SEM1: variants seen among roughly 807,000 people sequenced by gnomAD.
The protein encoded by SEM1 is 26S proteasome complex subunit SEM1.
A neutral mutation model predicts 12.7 loss-of-function variants in SEM1; 3 were observed. The observed-to-expected ratio is 0.24, with a 90% CI of 0.11 to 0.61. The LOEUF is 0.61. Among genes scored for constraint, SEM1 ranks in the 20% least tolerant of loss-of-function variants. The pLI is 0.88. For synonymous variants in SEM1, 30 were observed against 27.8 expected (o/e 1.08, Z -0.25); for missense variants, 59 against 81.3 (o/e 0.73, Z 1.06).
chr7:96,566,316 C>T (rs1270697475), intron 2 of SEM1, among the ~76,000 whole-genome samples: 3 of 151,578 alleles, frequency 2.0e-5, no homozygotes, highest in Non-Finnish European at 4.4e-5. Context: ...TTTAGTATGT[C>T]AATCTGATAG....
downstream of SEM1, among the ~76,000 whole-genome samples, chr7:96,618,203 G>A (rs146654796): frequency 7.2e-5 from 11 of 152,042 alleles, no homozygotes; most frequent in Non-Finnish European, 7.4e-5. Flanking sequence ...ATTCAATCTC[G>A]CTATTTATTG....
At chr7:96,529,383 T>C (rs1325519569) in intron 2 of SEM1, among the ~76,000 whole-genome samples, 1 of 152,180 alleles carries the variant, frequency 6.6e-6, no homozygotes, top group Non-Finnish European at 1.5e-5. Flanking sequence ...ATTTAGGAAC[T>C]ACTTCCACTA....
chr7:96,550,490 A>C (rs1409605157), intron 2 of SEM1, among the ~76,000 whole-genome samples: 1 of 152,164 alleles, frequency 6.6e-6, no homozygotes, highest in Non-Finnish European at 1.5e-5. Context: ...CATCTGTTGG[A>C]CACTCTTGTA....
intron 2 of SEM1, among the ~76,000 whole-genome samples, chr7:96,616,730 T>G (rs1228072826): frequency 6.6e-6 from 1 of 152,152 alleles, no homozygotes; most frequent in African/African-American, 2.4e-5. Context: ...TTGTATGTGG[T>G]CAGAGGTATG....
At chr7:96,497,372 T>C (rs375424200), upstream of SEM1, among the ~76,000 whole-genome samples, 1 of 152,152 alleles carries the variant, frequency 6.6e-6, no homozygotes, top group East Asian at 1.9e-4. Flanking sequence ...TGGCTTTTCA[T>C]AAAGATTGGC....
chr7:96,656,076 G>C (rs1418409927), intron 2 of SEM1, among the ~76,000 whole-genome samples: 1 of 152,196 alleles, frequency 6.6e-6, no homozygotes, highest in Non-Finnish European at 1.5e-5. Context: ...GCTCAGTCCA[G>C]TCTGACCTCA....
At chr7:96,620,909 T>C (rs1220541539), downstream of SEM1, among the ~76,000 whole-genome samples, 1 of 152,184 alleles carries the variant, frequency 6.6e-6, no homozygotes, top group African/African-American at 2.4e-5. Context: ...TTTATTTACC[T>C]GTTGAGTGAT....
At chr7:96,610,341 C>T (rs939551032) in intron 2 of SEM1, among the ~76,000 whole-genome samples, 9 of 152,026 alleles carry the variant, frequency 5.9e-5, no homozygotes, top group Non-Finnish European at 1.2e-4. Flanking sequence ...TCAGGTGATC[C>T]GCCTGCCTGG....
intron 2 of SEM1, among the ~76,000 whole-genome samples, chr7:96,518,392 A>G (rs1319261174): frequency 6.6e-6 from 1 of 152,160 alleles, no homozygotes; most frequent in East Asian, 1.9e-4. Context: ...TGAGTGAAAG[A>G]GCGATGAGTA....
At chr7:96,611,909 CTT>C (rs1419388993) in intron 2 of SEM1, among the ~76,000 whole-genome samples, 1 of 152,084 alleles carries the variant, frequency 6.6e-6, no homozygotes, top group Non-Finnish European at 1.5e-5. Context: ...ATTCATGACT[CTT>C]AGGTTTGGCT....
At chr7:96,555,197 T>C (rs1405028208) in intron 2 of SEM1, among the ~76,000 whole-genome samples, 1 of 151,956 alleles carries the variant, frequency 6.6e-6, no homozygotes, top group Non-Finnish European at 1.5e-5. Flanking sequence ...TCTATTTCCT[T>C]CAGTTCTGCT....
At chr7:96,482,055 G>A (rs978932341) in exon 4 of SEM1, 3 of 152,166 alleles carry the variant, frequency 2.0e-5, no homozygotes, top group Non-Finnish European at 4.4e-5. Context: ...GTTATCTTCA[G>A]GGAGGAATTT....
At chr7:96,565,899 C>A (rs1001959865) in intron 2 of SEM1, among the ~76,000 whole-genome samples, 2 of 151,750 alleles carry the variant, frequency 1.3e-5, no homozygotes, top group South Asian at 4.1e-4. Flanking sequence ...ACACATTATC[C>A]TTGTCATGTT....
At chr7:96,508,633 G>A (rs936393135) in intron 2 of SEM1, among the ~76,000 whole-genome samples, 1 of 152,124 alleles carries the variant, frequency 6.6e-6, no homozygotes. Context: ...TTATCATGTG[G>A]TTAGCAATCC....
At chr7:96,494,865 CAG>C (rs1803177693) in intron 1 of SEM1, among the ~76,000 whole-genome samples, 1 of 122,648 alleles carries the variant, frequency 8.2e-6, no homozygotes, top group African/African-American at 3.2e-5. Context: ...TACAAAAACT[CAG>C]AGAGATAATG....
intron 2 of SEM1, among the ~76,000 whole-genome samples, chr7:96,599,562 T>G (rs1410443658): frequency 6.6e-6 from 1 of 152,212 alleles, no homozygotes; most frequent in African/African-American, 2.4e-5. Flanking sequence ...AGCATGATAA[T>G]GTCTCATCTT....
downstream of SEM1, among the ~76,000 whole-genome samples, chr7:96,618,295 C>T (rs564928178): frequency 5.3e-5 from 8 of 152,200 alleles, no homozygotes; most frequent in African/African-American, 1.9e-4. Context: ...ATTTCCTTTA[C>T]AGGTGACTTG....
chr7:96,682,014 T>A (rs562423918), intron 2 of SEM1, among the ~76,000 whole-genome samples: 1 of 152,306 alleles, frequency 6.6e-6, no homozygotes, highest in South Asian at 2.1e-4. Context: ...TTCCAATCTA[T>A]GAGGATGGAA....
At chr7:96,672,289 A>C (rs1789337244), downstream of SEM1, among the ~76,000 whole-genome samples, 1 of 152,182 alleles carries the variant, frequency 6.6e-6, no homozygotes, top group Non-Finnish European at 1.5e-5. Context: ...GAGCTGTAGA[A>C]GGTTGCAGAT....
Sources: allele counts gnomAD v4.1 joint callset (sites outside exome capture counted in the v4.1 genomes callset), GRCh38; gene constraint gnomAD v4.1.1; transcripts MANE v1.5; gene names NCBI Gene and HGNC (gene_info 2026-07-23, HGNC 2026-07-21).